The following STK32C variants were observed in gnomAD, a reference collection of about 807,000 sequenced individuals.
The protein encoded by STK32C is serine/threonine-protein kinase 32C.
STK32C carries 31 observed loss-of-function variants against 56.5 expected under a neutral mutation model. The ratio of observed to expected loss-of-function variants is 0.55; its 90% confidence interval spans 0.41 to 0.74. The LOEUF is 0.74. Ranked by LOEUF, STK32C falls within the 30% of genes least tolerant of loss-of-function variation. The pLI is 0.00. For missense variants in STK32C, 544 were observed against 676.9 expected, an observed-to-expected ratio of 0.80 and a Z score of 2.18; for synonymous variants, 309 against 289.4, an observed-to-expected ratio of 1.07 and a Z score of -0.69.
At chr10:132,236,417 T>TGGGTGGC (rs776455710) in intron 2 of STK32C, among the ~76,000 whole-genome samples, 4 of 152,202 alleles carry the variant, frequency 2.6e-5, no homozygotes, top group Non-Finnish European at 5.9e-5. Context: ...AAGCTGAGGC[T>TGGGTGGC]GGGTGGCAGG....
intron 2 of STK32C, among the ~76,000 whole-genome samples, chr10:132,230,648 C>T (rs60417571): frequency 0.14 from 19,295 of 134,206 alleles, 1,624 homozygotes; most frequent in East Asian, 0.27. Flanking sequence ...CTGGCTGGGG[C>T]CAGGGCTCTT....
rs1201363157 is a variant in STK32C, at chr10:132,208,115, G to C, written c.1356C>G (p.Leu452=). The part of the protein sequence containing the change: ...KRSQDLPREP[L]PAPESRDAAE... Reference sequence around the variant, plus strand: ...CAGCATCCCTGGACTCAGGGGCGGGGAGAGGCTCCCTCGGGAGGTCCTGGC... The same window carrying C: ...CAGCATCCCTGGACTCAGGGGCGGGCAGAGGCTCCCTCGGGAGGTCCTGGC... The change falls in exon 12 of 12, where the codon CTC becomes CTG. Residue 452 remains leucine, a synonymous_variant. Coordinates refer to ENST00000298630, the MANE Select transcript of STK32C (RefSeq NM_173575.4). 3.1e-6 allele frequency: 4 copies of C among 1,311,088 alleles called. No homozygotes were observed. In the African/African-American group the frequency reaches 4.5e-5, roughly 15 times the overall value. The allele number at this position is 1,311,088 out of a possible 1,614,324, so 81.2% of individuals were successfully genotyped here. A position where few individuals can be genotyped will look rare whatever the true frequency, so the allele number is the denominator to read the frequency against.
chr10:132,296,732 A>G (rs1003950506), intron 1 of STK32C, among the ~76,000 whole-genome samples: 3 of 152,214 alleles, frequency 2.0e-5, no homozygotes, highest in Non-Finnish European at 4.4e-5. Flanking sequence ...CAACCACACA[A>G]TTGATCATCC....
rs761144428 is a variant in STK32C at position 132,307,603 on chromosome 10, C to A, written c.231G>T (p.Ala77=). The A allele has an allele frequency of 2.6e-6, 4 of 1,528,814 alleles. No individual in the cohort carries two copies. In the African/African-American group the frequency reaches 5.8e-5, roughly 22 times the overall value. 94.7% of individuals were successfully genotyped at this position (1,528,814 alleles called of 1,614,324 possible). A position where few individuals can be genotyped will look rare whatever the true frequency, so the allele number is the denominator to read the frequency against. The change falls in exon 1 of 12, where the codon GCG becomes GCT. Residue 77 remains alanine (A), a synonymous_variant. Transcript: ENST00000298630. The surrounding 1 kb of genome is among the most constrained non-coding windows in gnomAD (Gnocchi z 4.4). ...CCTTGTCGTCAAACACCGGCCTCCG[C>A]GCGGTGGCCGCCGACATGGACGAGC... The part of the protein sequence containing the change: ...RMGSSMSAAT[A]RRPVFDDKED...
At chr10:132,228,886 C>T (rs886361130) in intron 2 of STK32C, among the ~76,000 whole-genome samples, 4 of 152,240 alleles carry the variant, frequency 2.6e-5, no homozygotes, top group Non-Finnish European at 5.9e-5. Flanking sequence ...GCTTGGGGGC[C>T]ACCGCTGCCA....
chr10:132,230,679 C>CGGGGGGGGGG (rs377544275), intron 2 of STK32C, among the ~76,000 whole-genome samples: 1 of 49,684 alleles, frequency 2.0e-5, no homozygotes, highest in Admixed American at 2.0e-4. Flanking sequence ...GGGAAGCTGG[C>CGGGGGGGGGG]GGGGGGGGGG....
chr10:132,250,760 G>T (rs1358297784), intron 1 of STK32C, among the ~76,000 whole-genome samples: 1 of 152,252 alleles, frequency 6.6e-6, no homozygotes, highest in Non-Finnish European at 1.5e-5. Context: ...TCTCCGCCTG[G>T]CTTTCCATCG....
At chr10:132,300,800 G>A (rs372899321) in intron 1 of STK32C, among the ~76,000 whole-genome samples, 9 of 152,196 alleles carry the variant, frequency 5.9e-5, no homozygotes, top group East Asian at 3.9e-4. Flanking sequence ...CGAACAAGGC[G>A]GCATCCCACT....
chr10:132,285,848 G>A (rs879542240), intron 1 of STK32C, among the ~76,000 whole-genome samples: 24 of 152,208 alleles, frequency 1.6e-4, no homozygotes, highest in Non-Finnish European at 2.9e-4. Flanking sequence ...TTGGCCAGTC[G>A]CGGTGGCTCA....
intron 1 of STK32C, among the ~76,000 whole-genome samples, chr10:132,247,813 C>T (rs564974497): frequency 8.5e-5 from 13 of 152,152 alleles, no homozygotes; most frequent in African/African-American, 2.9e-4. Flanking sequence ...AAAGGCACTC[C>T]CCACTGCAAG....
intron 1 of STK32C, among the ~76,000 whole-genome samples, chr10:132,296,867 C>T (rs969849749): frequency 3.9e-5 from 6 of 152,228 alleles, no homozygotes; most frequent in African/African-American, 9.6e-5. Context: ...CGCAGGCCCG[C>T]GCCCTCTGGG....
At chr10:132,215,251 C>A (rs1213590262) in intron 10 of STK32C, among the ~76,000 whole-genome samples, 1 of 152,118 alleles carries the variant, frequency 6.6e-6, no homozygotes, top group Non-Finnish European at 1.5e-5. Flanking sequence ...TGGACTCAAG[C>A]AATCCTCTCA....
intron 1 of STK32C, among the ~76,000 whole-genome samples, chr10:132,326,566 G>C (rs2066503000): frequency 6.6e-6 from 1 of 152,238 alleles, no homozygotes; most frequent in Non-Finnish European, 1.5e-5. Context: ...CAAGTGATCT[G>C]CCTGCCTTGG....
intron 1 of STK32C, among the ~76,000 whole-genome samples, chr10:132,299,192 A>C (rs978200128): frequency 4.0e-5 from 6 of 151,620 alleles, no homozygotes; most frequent in Non-Finnish European, 7.4e-5. Context: ...GACAAGACCC[A>C]GCAGCACAGA....
At chr10:132,274,137 C>T (rs899922153) in intron 1 of STK32C, among the ~76,000 whole-genome samples, 8 of 152,226 alleles carry the variant, frequency 5.3e-5, no homozygotes, top group East Asian at 1.9e-4. Context: ...CAGATGCCTG[C>T]GGGGTCATTG....
intron 1 of STK32C, among the ~76,000 whole-genome samples, chr10:132,295,652 G>A (rs916756329): frequency 3.9e-5 from 6 of 152,144 alleles, no homozygotes; most frequent in Non-Finnish European, 8.8e-5. Context: ...TCGGGGGGCC[G>A]AGGAGGGCGG....
At chr10:132,267,495 G>C (rs2064587769) in intron 1 of STK32C, among the ~76,000 whole-genome samples, 1 of 151,370 alleles carries the variant, frequency 6.6e-6, no homozygotes, top group South Asian at 2.1e-4. Flanking sequence ...CTGTGTGCAT[G>C]CATGTCCCAC....
chr10:132,278,341 G>A (rs1386507830), intron 1 of STK32C, among the ~76,000 whole-genome samples: 1 of 152,206 alleles, frequency 6.6e-6, no homozygotes, highest in Non-Finnish European at 1.5e-5. Context: ...TGCAGCAAGA[G>A]AGGCCTCTCC....
intron 1 of STK32C, among the ~76,000 whole-genome samples, chr10:132,260,681 C>T (rs1393847085): frequency 5.9e-5 from 9 of 152,218 alleles, no homozygotes; most frequent in South Asian, 2.1e-4. Flanking sequence ...CCCAGGGCCC[C>T]GTGATCGAGT....
Sources: allele counts gnomAD v4.1 joint callset (sites outside exome capture counted in the v4.1 genomes callset), GRCh38; gene constraint gnomAD v4.1.1; non-coding constraint Gnocchi (gnomAD v3.1); transcripts MANE v1.5; gene names NCBI Gene and HGNC (gene_info 2026-07-23, HGNC 2026-07-21).